AKAP6: variants seen among roughly 807,000 people sequenced by gnomAD.
AKAP6 encodes A-kinase anchoring protein 6.
In AKAP6, 58 loss-of-function variants were observed where a neutral mutation model predicts 188.5. That is an observed-to-expected ratio of 0.31 (90% confidence interval 0.25 to 0.38). The LOEUF (loss-of-function observed/expected upper bound fraction) is 0.38. AKAP6 is among the 10% of genes least tolerant of loss of function. The pLI, the probability that AKAP6 is intolerant of heterozygous loss-of-function variation, is 1.00. For missense variants in AKAP6, 2,710 were observed against 2,740.0 expected (o/e 0.99, Z 0.24); for synonymous variants, 989 against 998.6 (o/e 0.99, Z 0.18).
intron 1 of AKAP6, among the ~76,000 whole-genome samples, chr14:32,418,496 C>T (rs1479236338): frequency 6.6e-6 from 1 of 152,190 alleles, no homozygotes; most frequent in Non-Finnish European, 1.5e-5. Context: ...GGCCTTAGCA[C>T]TCTCATGGCA....
In AKAP6 at chr14:32,735,732, T is replaced by C; in HGVS notation, c.3222T>C (p.Pro1074=). Residue 1074 remains proline, a synonymous_variant, in exon 11 of 14, where the codon CCT becomes CCC. Coordinates refer to ENST00000280979, the MANE Select transcript of AKAP6 (RefSeq NM_004274.5). ...SGSSPRDLLS[P]ESGSLVRQLE... is the part of the protein sequence containing the mutation. The stretch of plus-strand genomic sequence containing the variant: ...CGAGTCCACGTGACCTGCTCTCTCC[T>C]GAAAGTGGAAGCCTGGTAAGGCAGC... 7 of 1,613,556 alleles carry C rather than the reference T, an allele frequency of 4.3e-6. No homozygotes were observed. The highest frequency in any genetic ancestry group is 5.1e-6 in the Non-Finnish European group (6 of 1,179,786).
intron 2 of AKAP6, among the ~76,000 whole-genome samples, chr14:32,476,978 G>A (rs149760621): frequency 0.018 from 2,710 of 152,252 alleles, 27 homozygotes; most frequent in Middle Eastern, 0.031. Context: ...TAGATTCAAA[G>A]GTTTCCTGAT....
chr14:32,346,069 G>T lies in AKAP6; in HGVS notation c.-35+16661G>T, dbSNP rs191885371. On this transcript the variant is annotated intron_variant, in intron 1 of 13. Coordinates refer to ENST00000280979, the MANE Select transcript of AKAP6 (RefSeq NM_004274.5). ...CTAATATTTTCATCACACCCCAAAGGTTTGCCTTGCATCCCCCTTTATGAT... is the reference window on the plus strand; with the variant it reads ...CTAATATTTTCATCACACCCCAAAGTTTTGCCTTGCATCCCCCTTTATGAT... 2.0e-4 allele frequency among the ~76,000 whole-genome samples: 30 copies of T among 152,136 alleles called. No individual in the cohort carries two copies. The East Asian group carries it at 5.8e-3, about 29-fold the overall frequency.
At chr14:32,769,592 C>T (rs896763830) in intron 11 of AKAP6, among the ~76,000 whole-genome samples, 2 of 151,406 alleles carry the variant, frequency 1.3e-5, no homozygotes, top group African/African-American at 4.9e-5. Flanking sequence ...GCTAAAGTCC[C>T]ACCACTTTGT....
intron 3 of AKAP6, among the ~76,000 whole-genome samples, chr14:32,540,741 A>G (rs536572737): frequency 2.0e-5 from 3 of 152,306 alleles, no homozygotes; most frequent in Non-Finnish European, 2.9e-5. Context: ...TAGTATTACT[A>G]AGCAATATTT....
chr14:32,577,031 T>G, intron 4 of AKAP6, 89 bp from the exon 5 acceptor site: 1 of 1,456,738 alleles, frequency 6.9e-7, no homozygotes, highest in Non-Finnish European at 9.2e-7. Flanking sequence ...TGGATAAAAT[T>G]TGGAACTTTT....
intron 7 of AKAP6, among the ~76,000 whole-genome samples, chr14:32,605,503 C>T (rs1220112474): frequency 6.6e-6 from 1 of 152,158 alleles, no homozygotes; most frequent in Non-Finnish European, 1.5e-5. Flanking sequence ...AGTGATTTGA[C>T]AATAATTCCT....
At chr14:32,543,446 C>T (rs11850983) in intron 3 of AKAP6, among the ~76,000 whole-genome samples, 39,983 of 152,132 alleles carry the variant, frequency 0.26, 6,509 homozygotes, top group African/African-American at 0.45. Context: ...CATTCACCTG[C>T]TGATGGACAC....
chr14:32,588,994 C>T (rs1009472908), intron 5 of AKAP6, among the ~76,000 whole-genome samples: 4 of 152,170 alleles, frequency 2.6e-5, no homozygotes, highest in African/African-American at 7.2e-5. Flanking sequence ...ACCTCTGCTC[C>T]GTTTTTCATT....
At chr14:32,607,441 G>T (rs7157840) in intron 7 of AKAP6, among the ~76,000 whole-genome samples, 3,865 of 152,262 alleles carry the variant, frequency 0.025, 169 homozygotes, top group African/African-American at 0.088. Flanking sequence ...AACCAGAAAT[G>T]ATCTAGTAAG....
intron 7 of AKAP6, among the ~76,000 whole-genome samples, chr14:32,668,396 A>G (rs1446129608): frequency 1.3e-5 from 2 of 152,090 alleles, no homozygotes; most frequent in African/African-American, 4.8e-5. Flanking sequence ...TAAACATCTC[A>G]TCTGTCATTA....
At chr14:32,622,409 T>C (rs1250247614) in intron 7 of AKAP6, among the ~76,000 whole-genome samples, 2 of 152,064 alleles carry the variant, frequency 1.3e-5, no homozygotes, top group Admixed American at 6.6e-5. Context: ...GATATAATAA[T>C]AGAGACAAAT....
chr14:32,359,609 A>G (rs1421071295), intron 1 of AKAP6, among the ~76,000 whole-genome samples: 3 of 151,730 alleles, frequency 2.0e-5, no homozygotes, highest in African/African-American at 4.8e-5. Context: ...CCAGTATCCA[A>G]TCCAGGGTCC....
At chr14:32,449,304 T>G (rs1890855455) in intron 2 of AKAP6, among the ~76,000 whole-genome samples, 1 of 152,020 alleles carries the variant, frequency 6.6e-6, no homozygotes, top group African/African-American at 2.4e-5. Flanking sequence ...GATCAGGAGT[T>G]TGAGACCAGC....
At chr14:32,364,313 T>C (rs2138498428) in intron 1 of AKAP6, among the ~76,000 whole-genome samples, 1 of 152,340 alleles carries the variant, frequency 6.6e-6, no homozygotes, top group South Asian at 2.1e-4. Context: ...GAAGTTTCCA[T>C]TGTAACCTCA....
chr14:32,754,628 G>A (rs532333686), intron 11 of AKAP6, among the ~76,000 whole-genome samples: 64 of 152,010 alleles, frequency 4.2e-4, no homozygotes, highest in Non-Finnish European at 7.8e-4. Context: ...CATGTTTTTA[G>A]CATCCTTTTG....
intron 7 of AKAP6, among the ~76,000 whole-genome samples, chr14:32,640,455 A>G (rs1320912324): frequency 1.3e-5 from 2 of 152,142 alleles, no homozygotes; most frequent in African/African-American, 4.8e-5. Context: ...TGATCTGCCA[A>G]TTTTCTTCTC....
At chr14:32,379,428 C>T (rs1483682610) in intron 1 of AKAP6, among the ~76,000 whole-genome samples, 1 of 152,108 alleles carries the variant, frequency 6.6e-6, no homozygotes, top group African/African-American at 2.4e-5. Flanking sequence ...GAGGAAGAGC[C>T]AGGAAGCCTG....
intron 3 of AKAP6, among the ~76,000 whole-genome samples, chr14:32,538,712 G>A (rs1307772447): frequency 6.6e-6 from 1 of 151,942 alleles, no homozygotes. Context: ...CTTTAAATTT[G>A]TTTCATTTAG....
Sources: allele counts gnomAD v4.1 joint callset (sites outside exome capture counted in the v4.1 genomes callset), GRCh38; gene constraint gnomAD v4.1.1; transcripts MANE v1.5; gene names NCBI Gene and HGNC (gene_info 2026-07-23, HGNC 2026-07-21).